Variants in SPMAP2L observed in about 807,000 individuals in gnomAD.
SPMAP2L encodes sperm microtubule associated protein 2 like, also known as sperm microtubule associated protein 2-like.
chr4:56,572,918 AGG>A, the SPMAP2L span, among the ~76,000 whole-genome samples: 1 of 151,860 alleles, frequency 6.6e-6, no homozygotes, highest in African/African-American at 2.4e-5. Context: ...TGGGAAGCTG[AGG>A]CAGGAGAATT....
At chr4:56,551,906 A>T in the SPMAP2L span, among the ~76,000 whole-genome samples, 50 of 152,332 alleles carry the variant, frequency 3.3e-4, 3 homozygotes, top group Admixed American at 2.9e-3. Flanking sequence ...GAAAGAGAAA[A>T]GTGGAAGAGA....
chr4:56,576,370 A>G, the SPMAP2L span, among the ~76,000 whole-genome samples: 17 of 152,242 alleles, frequency 1.1e-4, no homozygotes, highest in Non-Finnish European at 2.1e-4. Context: ...AAGGGTTGAC[A>G]TCTGGAAGAG....
the SPMAP2L span, among the ~76,000 whole-genome samples, chr4:56,621,755 A>C: frequency 1.3e-5 from 2 of 152,226 alleles, no homozygotes; most frequent in African/African-American, 4.8e-5. Flanking sequence ...TATTCACTGG[A>C]TTCTCATTTC....
the SPMAP2L span, among the ~76,000 whole-genome samples, chr4:56,614,800 A>G: frequency 6.6e-6 from 1 of 152,162 alleles, no homozygotes; most frequent in Non-Finnish European, 1.5e-5. Flanking sequence ...TCAAAACCCT[A>G]TCTCACTTGC....
chr4:56,531,053 A>T, the SPMAP2L span: 1 of 1,535,434 alleles, frequency 6.5e-7, no homozygotes, highest in South Asian at 1.2e-5. Flanking sequence ...CACACCCGTG[A>T]GCCCCGCAAG....
the SPMAP2L span, among the ~76,000 whole-genome samples, chr4:56,551,460 T>C: frequency 6.6e-6 from 1 of 151,504 alleles, no homozygotes; most frequent in Admixed American, 6.6e-5. Context: ...GCAAGTTTAG[T>C]CCCTACAGGA....
the SPMAP2L span, among the ~76,000 whole-genome samples, chr4:56,569,951 T>G: frequency 6.6e-6 from 1 of 152,218 alleles, no homozygotes; most frequent in South Asian, 2.1e-4. Flanking sequence ...ACCCAAGGAT[T>G]TATGCTGTAA....
At chr4:56,562,446 G>C in the SPMAP2L span, among the ~76,000 whole-genome samples, 11 of 150,336 alleles carry the variant, frequency 7.3e-5, no homozygotes, top group East Asian at 2.1e-3. Flanking sequence ...CCTTTAAAAT[G>C]TGTTCCCCAG....
At chr4:56,574,828 A>G in the SPMAP2L span, among the ~76,000 whole-genome samples, 1 of 152,080 alleles carries the variant, frequency 6.6e-6, no homozygotes, top group Non-Finnish European at 1.5e-5. Flanking sequence ...AAAAAATTTT[A>G]AAAAGTTGCT....
At chr4:56,591,916 G>A in the SPMAP2L span, among the ~76,000 whole-genome samples, 128 of 152,256 alleles carry the variant, frequency 8.4e-4, 2 homozygotes, top group Middle Eastern at 3.4e-3. Context: ...GTGATAATAT[G>A]AGCCCCAATT....
chr4:56,533,987 A>T, the SPMAP2L span, among the ~76,000 whole-genome samples: 520 of 152,058 alleles, frequency 3.4e-3, 1 homozygote, highest in Non-Finnish European at 5.9e-3. Context: ...AACTAACCAA[A>T]CAACAACAAC....
At chr4:56,531,084 C>A in the SPMAP2L span, 2 of 1,535,562 alleles carry the variant, frequency 1.3e-6, no homozygotes, top group Non-Finnish European at 1.7e-6. Context: ...CCAAGGAAAC[C>A]GAGTTGCTTC....
the SPMAP2L span, among the ~76,000 whole-genome samples, chr4:56,622,090 A>G: frequency 1.3e-5 from 2 of 152,240 alleles, no homozygotes; most frequent in African/African-American, 4.8e-5. Context: ...CAGGGTAGGG[A>G]GCAGAGGTAT....
At chr4:56,538,575 G>A in the SPMAP2L span, among the ~76,000 whole-genome samples, 1 of 152,202 alleles carries the variant, frequency 6.6e-6, no homozygotes, top group Non-Finnish European at 1.5e-5. Flanking sequence ...GGCCTAAGCA[G>A]GCAGATCACC....
At chr4:56,589,532 C>T in the SPMAP2L span, among the ~76,000 whole-genome samples, 2 of 152,086 alleles carry the variant, frequency 1.3e-5, no homozygotes, top group Admixed American at 6.6e-5. Context: ...GCACTATGGT[C>T]GTTTTCACAA....
chr4:56,550,158 T>A, the SPMAP2L span, among the ~76,000 whole-genome samples: 1 of 152,216 alleles, frequency 6.6e-6, no homozygotes, highest in Non-Finnish European at 1.5e-5. Flanking sequence ...TATTTATTTT[T>A]AAAATTTTAT....
the SPMAP2L span, among the ~76,000 whole-genome samples, chr4:56,624,707 GC>G: frequency 6.6e-6 from 1 of 152,342 alleles, no homozygotes; most frequent in East Asian, 1.9e-4. Context: ...TGTTGAGCCT[GC>G]GGGTGCACAG....
chr4:56,616,314 G>A, the SPMAP2L span, among the ~76,000 whole-genome samples: 1 of 151,976 alleles, frequency 6.6e-6, no homozygotes, highest in African/African-American at 2.4e-5. Context: ...ATTGAATTAG[G>A]GCTCATCTAA....
chr4:56,603,394 T>C, the SPMAP2L span: 1 of 1,112,782 alleles, frequency 9.0e-7, no homozygotes, highest in South Asian at 1.9e-5. Context: ...TAGTTCCCTG[T>C]TGCGGTACTG....
Sources: allele counts gnomAD v4.1 joint callset (sites outside exome capture counted in the v4.1 genomes callset), GRCh38; gene constraint gnomAD v4.1.1; transcripts MANE v1.5; gene names NCBI Gene and HGNC (gene_info 2026-07-23, HGNC 2026-07-21).